The following SLAMF8 variants were observed in gnomAD, a reference collection of about 807,000 sequenced individuals.
SLAMF8 encodes the protein B lymphocyte activator macrophage expressed.
In SLAMF8, 23 loss-of-function variants were observed where a neutral mutation model predicts 29.0. The ratio of observed to expected loss-of-function variants is 0.79; its 90% CI spans 0.57 to 1.13. The LOEUF is 1.13. Ranked by LOEUF, SLAMF8 falls within the 50% of genes most tolerant of loss-of-function variation. The pLI is 0.00. For missense variants in SLAMF8, 381 were observed against 353.1 expected, an observed-to-expected ratio of 1.08 and a Z score of -0.63; for synonymous variants, 139 against 145.6, an observed-to-expected ratio of 0.96 and a Z score of 0.32.
At chr1:159,828,782 A>C (rs1015013938) in intron 1 of SLAMF8, among the ~76,000 whole-genome samples, 1 of 152,174 alleles carries the variant, frequency 6.6e-6, no homozygotes, top group Non-Finnish European at 1.5e-5. Flanking sequence ...TATGAGGGAT[A>C]GGGGAGGTCG....
Position 159,836,001 on chromosome 1 carries a change from T to C in SLAMF8, c.*741T>C, listed in dbSNP as rs1331839903. 1 of 985,332 alleles carries C rather than the reference T, an allele frequency of 1.0e-6. No homozygotes were observed. The highest frequency in any genetic ancestry group is 1.2e-6 in the Non-Finnish European group (1 of 829,942). 61.0% of individuals were successfully genotyped at this position (985,332 alleles called of 1,614,324 possible). A position where few individuals can be genotyped will look rare whatever the true frequency, so the allele number is the denominator to read the frequency against. ...CACCATCTCCATCCGCTCTCACGCC[T>C]CCTGCAGGATCTGGGAGTGAGGGTG... is the stretch of plus-strand genomic sequence containing the variant. On this transcript the variant is annotated 3_prime_UTR_variant, in exon 5 of 5. Transcript: ENST00000289707.
intron 2 of SLAMF8, 87 bp from the exon 3 acceptor site, chr1:159,832,789 T>A: frequency 6.8e-7 from 1 of 1,475,610 alleles, no homozygotes; most frequent in Non-Finnish European, 9.2e-7. Flanking sequence ...AGAGGTGGCA[T>A]CTAACCCTGG....
chr1:159,828,597 A>T (rs1557886926), intron 1 of SLAMF8, among the ~76,000 whole-genome samples: 2 of 152,204 alleles, frequency 1.3e-5, no homozygotes, highest in Non-Finnish European at 2.9e-5. Context: ...GTCTGTTCTT[A>T]AACAGTGGTG....
Position 159,835,193 on chromosome 1 carries a change from A to G in SLAMF8, c.791A>G (p.Lys264Arg), listed in dbSNP as rs781698642. 1.2e-6 allele frequency: 2 copies of G among 1,614,054 alleles called. No homozygotes were observed. The highest frequency in any genetic ancestry group is 1.7e-6 in the Non-Finnish European group (2 of 1,179,984). ...CTGATGTCCTTACCAGGGAAAAAGA[A>G]AAAGGATGTCCATGCTGACAGAGTG... ...WHWCPCSGKKKKDVHADRVGP... is the reference protein window; with the variant it reads ...WHWCPCSGKKRKDVHADRVGP... Residue 264 changes from lysine to arginine, a missense_variant, in exon 5 of 5, where the codon AAA becomes AGA. Lys to Arg is a conservative substitution (Grantham distance 26). Coordinates refer to ENST00000289707, the MANE Select transcript of SLAMF8 (RefSeq NM_020125.3).
chr1:159,827,063 G>A (rs1663666878), intron 1 of SLAMF8, 125 bp downstream of exon 1: 2 of 1,138,952 alleles, frequency 1.8e-6, no homozygotes, highest in Middle Eastern at 2.7e-4. Context: ...GGGTGGGTAG[G>A]AAAGACTAGA....
rs1647942496 is a variant in SLAMF8 at position 159,836,429 on chromosome 1, A to G, written c.*1169A>G. 2 of 985,298 alleles carry G rather than the reference A, an allele frequency of 2.0e-6. No individual in the cohort carries two copies. Among genetic ancestry groups the G allele is most frequent in the South Asian group, 9.4e-5 (2 of 21,294 alleles). The allele number at this position is 985,298 out of a possible 1,614,324, so 61.0% of individuals were successfully genotyped here. ...GAAAAGCTCTGGAGTATTGATCACTACTGGAAAAACACTTAAGGAGCTAAA... is the reference window on the plus strand; with the variant it reads ...GAAAAGCTCTGGAGTATTGATCACTGCTGGAAAAACACTTAAGGAGCTAAA... On this transcript the variant is annotated 3_prime_UTR_variant, in exon 5 of 5. Coordinates refer to ENST00000289707, the MANE Select transcript of SLAMF8 (RefSeq NM_020125.3).
intron 4 of SLAMF8, among the ~76,000 whole-genome samples, chr1:159,833,699 G>A (rs1647675277): frequency 6.6e-6 from 1 of 152,158 alleles, no homozygotes; most frequent in Admixed American, 6.5e-5. Context: ...TCTTCAAGGT[G>A]TGCTTGCTCC....
At chr1:159,834,967 T>C (rs1647800507) in intron 4 of SLAMF8, 5 of 518,726 alleles carry the variant, frequency 9.6e-6, no homozygotes. Flanking sequence ...TACAATTAAA[T>C]GTATGGCATA....
rs749238344 is a variant in SLAMF8, at chr1:159,832,938, A to C, written c.430A>C (p.Lys144Gln). The change falls in exon 3 of 5, where the codon AAG becomes CAG. Residue 144 changes from lysine (K) to glutamine (Q), a missense_variant. Coordinates refer to ENST00000289707, the MANE Select transcript of SLAMF8 (RefSeq NM_020125.3). ...IAVERDAQPS[K>Q]TCQVFLSCWA... ...TGTAGAAAGGGATGCTCAGCCCTCCAAGACCTGCCAGGTTTTCTTGTCCTG... is the reference window on the plus strand; with the variant it reads ...TGTAGAAAGGGATGCTCAGCCCTCCCAGACCTGCCAGGTTTTCTTGTCCTG... 3 of 1,614,206 alleles carry C rather than the reference A, an allele frequency of 1.9e-6. No homozygotes were observed. The highest frequency in any genetic ancestry group is 2.5e-6 in the Non-Finnish European group (3 of 1,180,040).
chr1:159,830,080 C>T lies in SLAMF8; in HGVS notation c.255C>T (p.Asn85=). The part of the protein sequence containing the change: ...RFLGRAQLHS[N]LSLELGPLES... ...TGGGCCGAGCCCAGCTACACAGCAA[C>T]CTCAGCCTGGAGCTCGGGCCGCTGG... is the stretch of plus-strand genomic sequence containing the variant. The change falls in exon 2 of 5, where the codon AAC becomes AAT. Residue 85 remains asparagine, a synonymous_variant. Transcript: ENST00000289707. 3 of 1,614,268 alleles carry T rather than the reference C, an allele frequency of 1.9e-6. No homozygotes were observed. The highest frequency in any genetic ancestry group is 2.5e-6 in the Non-Finnish European group (3 of 1,180,056).
rs1265468147 is a variant in SLAMF8 at position 159,835,174 on chromosome 1, T to A, written c.782-10T>A. ...TGGAGGGGTAACTTTCTTTCTGATG[T>A]CCTTACCAGGGAAAAAGAAAAAGGA... On this transcript the variant is annotated splice_polypyrimidine_tract_variant and intron_variant, in intron 4 of 4. Coordinates refer to ENST00000289707, the MANE Select transcript of SLAMF8 (RefSeq NM_020125.3). 6.2e-7 allele frequency: 1 copy of A among 1,613,044 alleles called. No individual in the cohort carries two copies.
At position 159,833,251 on chromosome 1, in the gene SLAMF8, T is replaced by C; in HGVS notation, c.674-11T>C. 1 of 1,614,070 alleles carries C rather than the reference T, an allele frequency of 6.2e-7. No individual in the cohort carries two copies. The highest frequency in any genetic ancestry group is 8.5e-7 in the Non-Finnish European group (1 of 1,179,974). ...TCAAGTCCACCTCTAACCCCACCCC[T>C]CCATGTTCAGCACCAGGGAAGGCCT... On this transcript the variant is annotated splice_polypyrimidine_tract_variant and intron_variant, in intron 3 of 4. Coordinates refer to ENST00000289707, the MANE Select transcript of SLAMF8 (RefSeq NM_020125.3).
In SLAMF8 at chr1:159,835,417, C is replaced by G. The variant is rs1269235395; in HGVS notation, c.*157C>G. 1 of 1,407,282 alleles carries G rather than the reference C, an allele frequency of 7.1e-7. No homozygotes were observed. Among genetic ancestry groups the G allele is most frequent in the Non-Finnish European group, 9.2e-7 (1 of 1,081,904 alleles). The allele number at this position is 1,407,282 out of a possible 1,614,324, so 87.2% of individuals were successfully genotyped here. On this transcript the variant is annotated 3_prime_UTR_variant, in exon 5 of 5. Transcript: ENST00000289707. ...AGGAGCAGCCTGGGCAGCCATCACA[C>G]CACGAGGACAGGAAGCACCAGCACG...
intron 4 of SLAMF8, 30 bp from the exon 5 acceptor site, chr1:159,835,154 G>C (rs370082137): frequency 6.2e-6 from 10 of 1,605,312 alleles, no homozygotes; most frequent in Non-Finnish European, 8.5e-6. Flanking sequence ...AACACTGGAG[G>C]GGTAACTTTC....
At chr1:159,830,318 C>A (rs1207692373) in intron 2 of SLAMF8, 126 bp downstream of exon 2, 2 of 1,030,690 alleles carry the variant, frequency 1.9e-6, no homozygotes, top group Non-Finnish European at 2.7e-6. Context: ...ATGTTGCCGA[C>A]TCAGGGAACA....
rs372180615 is a variant in SLAMF8, at chr1:159,836,484, G to T, written c.*1224G>T. 3 of 985,458 alleles carry T rather than the reference G, an allele frequency of 3.0e-6. No homozygotes were observed. Among genetic ancestry groups the T allele is most frequent in the Non-Finnish European group, 3.6e-6 (3 of 829,944 alleles). 61.0% of individuals were successfully genotyped at this position (985,458 alleles called of 1,614,324 possible). A position where few individuals can be genotyped will look rare whatever the true frequency, so the allele number is the denominator to read the frequency against. ...CCTTCGGGGATTATTAGCTGATAAG[G>T]TTCACAGTTTCTCTCACCCAGGTGT... is the stretch of plus-strand genomic sequence containing the variant. On this transcript the variant is annotated 3_prime_UTR_variant, in exon 5 of 5. Transcript: ENST00000289707.
Position 159,836,171 on chromosome 1 carries a change from A to G in SLAMF8, c.*911A>G. 1 of 985,426 alleles carries G rather than the reference A, an allele frequency of 1.0e-6. No homozygotes were observed. The highest frequency in any genetic ancestry group is 1.2e-6 in the Non-Finnish European group (1 of 829,916). 61.0% of individuals were successfully genotyped at this position (985,426 alleles called of 1,614,324 possible). A position where few individuals can be genotyped will look rare whatever the true frequency, so the allele number is the denominator to read the frequency against. On this transcript the variant is annotated 3_prime_UTR_variant, in exon 5 of 5. Transcript: ENST00000289707. ...CTGCCTGAAACTGAGAGAGTGAAGA[A>G]CCATAAAACGCTATGCAGAAGGAAC...
chr1:159,833,692 T>C (rs186866027), intron 4 of SLAMF8, among the ~76,000 whole-genome samples: 6 of 152,282 alleles, frequency 3.9e-5, no homozygotes, highest in South Asian at 4.1e-4. Flanking sequence ...TACTCAGTCT[T>C]CAAGGTGTGC....
At chr1:159,827,712 G>A (rs1048118074) in intron 1 of SLAMF8, among the ~76,000 whole-genome samples, 2 of 152,182 alleles carry the variant, frequency 1.3e-5, no homozygotes, top group Non-Finnish European at 2.9e-5. Context: ...CTCCTTGCCT[G>A]AGTTCCTGGC....
Sources: gnomAD v4.1 joint callset for allele counts (sites outside exome capture counted in the v4.1 genomes callset) on GRCh38, gnomAD v4.1.1 for gene constraint, MANE v1.5 for transcripts, NCBI Gene and HGNC (gene_info 2026-07-23, HGNC 2026-07-21) for gene names.